DPP10: variants seen among roughly 807,000 people sequenced by gnomAD.
DPP10 encodes inactive dipeptidyl peptidase 10.
DPP10 carries 33 observed loss-of-function variants against 120.9 expected under a neutral mutation model. The observed-to-expected ratio is 0.27, with a 90% CI of 0.21 to 0.37. DPP10 has a LOEUF of 0.37. Among genes scored for constraint, DPP10 ranks in the 10% least tolerant of loss-of-function variants. DPP10 has a pLI of 1.00. For missense variants in DPP10, 816 were observed against 942.8 expected, an observed-to-expected ratio of 0.87 and a Z score of 1.76; for synonymous variants, 337 against 326.1, an observed-to-expected ratio of 1.03 and a Z score of -0.36.
At position 114,847,991 on chromosome 2, in the gene DPP10, G is replaced by C. The variant is rs1574333868; in HGVS notation, c.60+405153G>C. Among the ~76,000 whole-genome samples the C allele has an allele frequency of 3.3e-5, 5 of 152,260 alleles. No homozygotes were observed. The Middle Eastern group carries it at 0.014, about 414-fold the overall frequency. ...TTGTAATTAGGTCAACATCAAAGTA[G>C]TTAAGTTCACTTACACTGCCAAAAG... is the stretch of plus-strand genomic sequence containing the variant. On this transcript the variant is annotated intron_variant, in intron 1 of 25. Coordinates refer to ENST00000410059, the MANE Select transcript of DPP10 (RefSeq NM_020868.6).
chr2:115,376,088 C>T (rs11887885), intron 3 of DPP10, among the ~76,000 whole-genome samples: 1 of 151,930 alleles, frequency 6.6e-6, no homozygotes, highest in Non-Finnish European at 1.5e-5. Flanking sequence ...CCCACTCTTG[C>T]TAAAATTGTC....
chr2:115,790,786 T>A (rs1049744115), intron 17 of DPP10, among the ~76,000 whole-genome samples: 1 of 152,188 alleles, frequency 6.6e-6, no homozygotes, highest in Non-Finnish European at 1.5e-5. Flanking sequence ...CGCATCTCAT[T>A]TGGTGCTAGA....
intron 1 of DPP10, among the ~76,000 whole-genome samples, chr2:115,163,633 G>A (rs1305546538): frequency 6.6e-6 from 1 of 152,200 alleles, no homozygotes; most frequent in African/African-American, 2.4e-5. Context: ...AACATGGATT[G>A]AACATCCTCT....
At chr2:114,640,620 C>T (rs1287847197) in intron 1 of DPP10, among the ~76,000 whole-genome samples, 2 of 151,802 alleles carry the variant, frequency 1.3e-5, no homozygotes, top group Non-Finnish European at 2.9e-5. Context: ...TGTCTCTGTC[C>T]TCCCTCCCCT....
rs181838468 is a variant in DPP10 at position 115,187,979 on chromosome 2, C to T, written c.61-121260C>T. On this transcript the variant is annotated intron_variant, in intron 1 of 25. Transcript: ENST00000410059. ...AGGCTGCAGTGAGCTGAGATAGTGC[C>T]ACTGCACTGAAGCCTGGGCAACAGA... is the stretch of plus-strand genomic sequence containing the variant. Among the ~76,000 whole-genome samples the T allele has an allele frequency of 2.6e-5, 4 of 151,894 alleles. No individual in the cohort carries two copies. In the East Asian group the frequency reaches 7.8e-4, roughly 29 times the overall value.
intron 1 of DPP10, among the ~76,000 whole-genome samples, chr2:114,770,699 A>G (rs1681170176): frequency 6.6e-6 from 1 of 152,204 alleles, no homozygotes; most frequent in Non-Finnish European, 1.5e-5. Flanking sequence ...AATCTTATAC[A>G]TCAAGCATAA....
At chr2:114,638,116 G>A (rs945627535) in intron 1 of DPP10, among the ~76,000 whole-genome samples, 1 of 151,788 alleles carries the variant, frequency 6.6e-6, no homozygotes, top group Non-Finnish European at 1.5e-5. Context: ...CAATGAGCAT[G>A]GAATGTTTTC....
chr2:115,568,012 C>CA (rs531528927), intron 5 of DPP10, among the ~76,000 whole-genome samples: 243 of 151,524 alleles, frequency 1.6e-3, no homozygotes, highest in African/African-American at 5.1e-3. Context: ...CCAGTCTGTA[C>CA]AAAAAATACA....
At chr2:115,140,928 A>G (rs1225124012) in intron 1 of DPP10, among the ~76,000 whole-genome samples, 1 of 150,632 alleles carries the variant, frequency 6.6e-6, no homozygotes, top group Non-Finnish European at 1.5e-5. Context: ...CTTATCTTGA[A>G]AAAAAAAAAA....
intron 5 of DPP10, among the ~76,000 whole-genome samples, chr2:115,659,656 G>A (rs10195709): frequency 0.048 from 7,357 of 152,180 alleles, 594 homozygotes; most frequent in African/African-American, 0.17. Context: ...GGTGTAAAAT[G>A]ATGGCCTTAA....
At chr2:115,258,794 A>G (rs2059122813) in intron 1 of DPP10, among the ~76,000 whole-genome samples, 1 of 152,224 alleles carries the variant, frequency 6.6e-6, no homozygotes, top group South Asian at 2.1e-4. Context: ...ATACTGTGGA[A>G]GCTGAAGTGG....
intron 1 of DPP10, among the ~76,000 whole-genome samples, chr2:115,025,287 C>T (rs750997270): frequency 1.2e-4 from 19 of 152,158 alleles, no homozygotes; most frequent in Non-Finnish European, 1.3e-4. Context: ...TTTCACCTAG[C>T]GTAACAACTC....
intron 1 of DPP10, among the ~76,000 whole-genome samples, chr2:115,006,129 T>G (rs889988070): frequency 3.7e-4 from 56 of 151,872 alleles, no homozygotes; most frequent in Non-Finnish European, 6.9e-4. Context: ...GTTTCATAAG[T>G]GAAGGAGAAA....
chr2:114,984,711 T>A (rs539341193), intron 1 of DPP10, among the ~76,000 whole-genome samples: 6 of 152,314 alleles, frequency 3.9e-5, no homozygotes, highest in African/African-American at 1.4e-4. Context: ...GTCAAAACTT[T>A]AGCATTATCC....
At chr2:115,007,484 A>G (rs1437045044) in intron 1 of DPP10, among the ~76,000 whole-genome samples, 2 of 152,004 alleles carry the variant, frequency 1.3e-5, no homozygotes, top group East Asian at 3.9e-4. Flanking sequence ...TGAATGGGCA[A>G]AAACTGGAAG....
intron 1 of DPP10, among the ~76,000 whole-genome samples, chr2:114,521,877 G>A (rs1411335116): frequency 2.1e-5 from 3 of 143,248 alleles, no homozygotes; most frequent in East Asian, 2.1e-4. Context: ...GCGCAATCTC[G>A]GCTCACTGCA....
At chr2:115,806,204 A>G (rs1424768414) in intron 19 of DPP10, among the ~76,000 whole-genome samples, 1 of 152,182 alleles carries the variant, frequency 6.6e-6, no homozygotes, top group Non-Finnish European at 1.5e-5. Flanking sequence ...TAAGAATTCC[A>G]ATTTCCTTTT....
chr2:114,638,717 C>G (rs989344434), intron 1 of DPP10, among the ~76,000 whole-genome samples: 8 of 151,822 alleles, frequency 5.3e-5, no homozygotes, highest in African/African-American at 1.9e-4. Context: ...AATTTGTAAA[C>G]TCCAGTTTGG....
intron 1 of DPP10, among the ~76,000 whole-genome samples, chr2:114,467,691 T>C (rs1296556159): frequency 6.6e-6 from 1 of 152,178 alleles, no homozygotes; most frequent in Admixed American, 6.5e-5. Flanking sequence ...TTCCAATCAA[T>C]GCTTTGAATT....
Sources: gnomAD v4.1 joint callset for allele counts (sites outside exome capture counted in the v4.1 genomes callset) on GRCh38, gnomAD v4.1.1 for gene constraint, MANE v1.5 for transcripts, NCBI Gene and HGNC (gene_info 2026-07-23, HGNC 2026-07-21) for gene names.